Variants in SEPHS1 observed in about 807,000 individuals in gnomAD.
SEPHS1 encodes the protein selenophosphate synthetase 1.
Under a neutral mutation model 39.2 loss-of-function variants are expected in SEPHS1, and 7 were observed. The ratio of observed to expected loss-of-function variants is 0.18; its 90% CI spans 0.10 to 0.34. The LOEUF (loss-of-function observed/expected upper bound fraction) is 0.34. SEPHS1 is among the 10% of genes least tolerant of loss of function. SEPHS1 has a pLI of 1.00. For synonymous variants in SEPHS1, 190 were observed against 195.5 expected (o/e 0.97, Z 0.23); for missense variants, 253 against 514.5 (o/e 0.49, Z 4.92).
At chr10:13,338,118 T>G (rs1833691644) in intron 3 of SEPHS1, among the ~76,000 whole-genome samples, 1 of 152,188 alleles carries the variant, frequency 6.6e-6, no homozygotes, top group Middle Eastern at 3.2e-3. Context: ...CAGTGTATCA[T>G]CAGTAGCCAG....
At chr10:13,331,171 T>G (rs1833456180) in intron 5 of SEPHS1, among the ~76,000 whole-genome samples, 1 of 152,220 alleles carries the variant, frequency 6.6e-6, no homozygotes, top group African/African-American at 2.4e-5. Flanking sequence ...AACTCATCCT[T>G]TTTTACGGCT....
In SEPHS1 at chr10:13,328,346, C is replaced by T. The variant is rs1478009497; in HGVS notation, c.751+5G>A. ...GGACCGAAGCGCCCTTCCCACCTGT[C>T]ATACCTGTCCTGTTGAGCCTCGCCA... On this transcript the variant is annotated splice_donor_5th_base_variant and intron_variant, in intron 7 of 8. Transcript: ENST00000327347. 1 of 1,603,300 alleles carries T rather than the reference C, an allele frequency of 6.2e-7. No homozygotes were observed. Among genetic ancestry groups the T allele is most frequent in the Non-Finnish European group, 8.5e-7 (1 of 1,170,508 alleles).
chr10:13,338,280 T>C (rs1588545751), intron 3 of SEPHS1, among the ~76,000 whole-genome samples: 1 of 152,184 alleles, frequency 6.6e-6, no homozygotes, highest in East Asian at 1.9e-4. Flanking sequence ...CCTTAATCTC[T>C]TGAAGGAAAC....
At chr10:13,346,072 A>G (rs1027043972) in intron 1 of SEPHS1, among the ~76,000 whole-genome samples, 3 of 152,230 alleles carry the variant, frequency 2.0e-5, no homozygotes, top group African/African-American at 4.8e-5. Flanking sequence ...AAACTAGTAC[A>G]CACATCATTG....
chr10:13,320,006 G>A (rs1262116157), intron 8 of SEPHS1, among the ~76,000 whole-genome samples: 2 of 151,982 alleles, frequency 1.3e-5, no homozygotes, highest in Non-Finnish European at 2.9e-5. Flanking sequence ...TCTCTACATC[G>A]ACTCTCTCAT....
intron 2 of SEPHS1, among the ~76,000 whole-genome samples, chr10:13,343,630 ATGGTAAAACTCCCATCT>A (rs1366186435): frequency 2.6e-5 from 4 of 151,702 alleles, no homozygotes; most frequent in African/African-American, 7.3e-5. Context: ...CCTGGCCAAC[ATGGTAAAACTCCCATCT>A]CTACTAAAAA....
At chr10:13,345,089 A>G in intron 1 of SEPHS1, 61 bp from the exon 2 acceptor site, 1 of 693,160 alleles carries the variant, frequency 1.4e-6, no homozygotes, top group Non-Finnish European at 2.3e-6. Context: ...CCTGCCAGCG[A>G]ATCAAGTGAA....
intron 4 of SEPHS1, among the ~76,000 whole-genome samples, chr10:13,334,589 G>A (rs966049334): frequency 6.6e-6 from 1 of 151,776 alleles, no homozygotes; most frequent in South Asian, 2.1e-4. Context: ...ATGTGCCTGT[G>A]GTCCCAGCTA....
chr10:13,343,523 G>A (rs1393246346), intron 2 of SEPHS1, among the ~76,000 whole-genome samples: 1 of 152,050 alleles, frequency 6.6e-6, no homozygotes. Flanking sequence ...CAAATGAAAT[G>A]AAAACCTTGG....
rs566250293 is a variant in SEPHS1, at chr10:13,327,773, G to A, written c.751+578C>T. Among the ~76,000 whole-genome samples, 4 of 152,246 alleles carry A rather than the reference G, an allele frequency of 2.6e-5. No homozygotes were observed. In the East Asian group the frequency reaches 7.7e-4, roughly 29 times the overall value. ...AAACAGGAGAGCAGAGAAGCCAGTG[G>A]AAAAATCAACACAGCCAAAAGGAAT... is the stretch of plus-strand genomic sequence containing the variant. On this transcript the variant is annotated intron_variant, in intron 7 of 8. Coordinates refer to ENST00000327347, the MANE Select transcript of SEPHS1 (RefSeq NM_012247.5).
intron 5 of SEPHS1, among the ~76,000 whole-genome samples, chr10:13,330,369 G>C (rs571920673): frequency 5.3e-4 from 80 of 152,140 alleles, no homozygotes; most frequent in Non-Finnish European, 1.1e-3. Context: ...TCTGCCTCCA[G>C]GTTCTCAAAC....
At chr10:13,329,553 C>T (rs144400182) in intron 6 of SEPHS1, 145 bp downstream of exon 6, 67 of 594,040 alleles carry the variant, frequency 1.1e-4, no homozygotes, top group African/African-American at 1.0e-3. Context: ...AGACTATGAA[C>T]AATTCCTAGG....
Position 13,317,481 on chromosome 10 carries a change from A to G in SEPHS1, c.*1661T>C, listed in dbSNP as rs535034805. 4 of 151,422 alleles carry G rather than the reference A, an allele frequency of 2.6e-5. No individual in the cohort carries two copies. The highest frequency in any genetic ancestry group is 2.0e-4 in the Admixed American group (3 of 15,172). 9.4% of individuals were successfully genotyped at this position (151,422 alleles called of 1,614,324 possible). A position where few individuals can be genotyped will look rare whatever the true frequency, so the allele number is the denominator to read the frequency against. On this transcript the variant is annotated 3_prime_UTR_variant, in exon 9 of 9. Transcript: ENST00000327347. ...TTTATTTTGCAGACCACTGGTTTGT[A>G]GCTTTTGAGGACCAACATCTCTATC...
rs17153110 is a variant in SEPHS1, at chr10:13,321,859, G to A, written c.964+976C>T. On this transcript the variant is annotated intron_variant, in intron 8 of 8. Coordinates refer to ENST00000327347, the MANE Select transcript of SEPHS1 (RefSeq NM_012247.5). The stretch of plus-strand genomic sequence containing the variant: ...AAGAGGAGGACGTCCCACAAGTTCC[G>A]GACAGATGTGGCCACCAAATTAATC... Among the ~76,000 whole-genome samples the A allele has an allele frequency of 4.3e-3, 650 of 152,204 alleles. 7 individuals carry two copies. The highest frequency in any genetic ancestry group is 0.014 in the African/African-American group (601 of 41,532).
chr10:13,338,865 T>C (rs1398364919), intron 2 of SEPHS1, 57 bp from the exon 3 acceptor site: 1 of 1,256,360 alleles, frequency 8.0e-7, no homozygotes, highest in African/African-American at 1.5e-5. Context: ...CATTTCATTT[T>C]ATATCACCAG....
chr10:13,334,154 T>C (rs1368155774), intron 4 of SEPHS1, among the ~76,000 whole-genome samples, 183 bp from the exon 5 acceptor site: 6 of 152,168 alleles, frequency 3.9e-5, no homozygotes, highest in African/African-American at 1.2e-4. Flanking sequence ...TCCCAGCACT[T>C]TGGGAGTCCG....
intron 7 of SEPHS1, among the ~76,000 whole-genome samples, chr10:13,324,105 A>G (rs540032929): frequency 6.6e-6 from 1 of 152,334 alleles, no homozygotes; most frequent in Admixed American, 6.5e-5. Flanking sequence ...CCTCTCCGAT[A>G]ACCTCTGGCC....
rs45615137 is a variant in SEPHS1 at position 13,317,718 on chromosome 10, A to G, written c.*1424T>C. 6,329 of 152,310 alleles carry G rather than the reference A, an allele frequency of 0.042. 156 individuals are homozygous for G. The highest frequency in any genetic ancestry group is 0.081 in the East Asian group (422 of 5,178). 9.4% of individuals were successfully genotyped at this position (152,310 alleles called of 1,614,324 possible). Reference sequence around the variant, plus strand: ...TGGCAAGAAGTCAGTTTACATGTGCAGCTTTGGTGCCTGTGAGCAGAAAGC... The same window carrying G: ...TGGCAAGAAGTCAGTTTACATGTGCGGCTTTGGTGCCTGTGAGCAGAAAGC... On this transcript the variant is annotated 3_prime_UTR_variant, in exon 9 of 9. Transcript: ENST00000327347.
chr10:13,328,641 C>T (rs1364442181), intron 6 of SEPHS1, among the ~76,000 whole-genome samples, 191 bp from the exon 7 acceptor site: 4 of 152,216 alleles, frequency 2.6e-5, no homozygotes, highest in African/African-American at 7.2e-5. Context: ...GTCAGCATGG[C>T]GTCTTTTCTG....
Sources: allele counts gnomAD v4.1 joint callset (sites outside exome capture counted in the v4.1 genomes callset), GRCh38; gene constraint gnomAD v4.1.1; transcripts MANE v1.5; gene names NCBI Gene and HGNC (gene_info 2026-07-23, HGNC 2026-07-21).